The following ARMH3 variants were observed in gnomAD, a reference collection of about 807,000 sequenced individuals.
ARMH3 encodes armadillo-like helical domain-containing protein 3.
In ARMH3, 60 loss-of-function variants were observed where a neutral mutation model predicts 99.1. The ratio of observed to expected loss-of-function variants is 0.61; its 90% CI spans 0.49 to 0.75. ARMH3 has a LOEUF of 0.75. Among genes scored for constraint, ARMH3 ranks in the 30% least tolerant of loss-of-function variants. The pLI is 0.00. For missense variants in ARMH3, 679 were observed against 843.1 expected (o/e 0.81, Z 2.41); for synonymous variants, 285 against 292.8 (o/e 0.97, Z 0.27).
intron 22 of ARMH3, among the ~76,000 whole-genome samples, chr10:101,955,809 G>A (rs879142090): frequency 2.0e-5 from 3 of 152,150 alleles, no homozygotes; most frequent in African/African-American, 7.2e-5. Context: ...CAGAGGTGAC[G>A]GATATGGTTA....
intron 2 of ARMH3, among the ~76,000 whole-genome samples, chr10:102,034,868 A>G (rs74819291): frequency 0.074 from 11,271 of 151,882 alleles, 1,373 homozygotes; most frequent in African/African-American, 0.26. Context: ...AGATCATGCC[A>G]TTGCACTCCA....
At chr10:101,968,972 T>C (rs1564805108) in intron 20 of ARMH3, among the ~76,000 whole-genome samples, 1 of 152,284 alleles carries the variant, frequency 6.6e-6, no homozygotes, top group Non-Finnish European at 1.5e-5. Flanking sequence ...TATTTTTGCA[T>C]ATGGAAGCTA....
At chr10:101,864,276 C>A (rs1346679323) in intron 24 of ARMH3, among the ~76,000 whole-genome samples, 1 of 152,108 alleles carries the variant, frequency 6.6e-6, no homozygotes, top group African/African-American at 2.4e-5. Flanking sequence ...GAAACAGGAA[C>A]ACTTTTACAC....
intron 24 of ARMH3, among the ~76,000 whole-genome samples, chr10:101,882,682 T>A (rs2067447478): frequency 6.6e-6 from 1 of 152,156 alleles, no homozygotes; most frequent in Non-Finnish European, 1.5e-5. Flanking sequence ...GTATTTTTAG[T>A]AGAGACAGGG....
intron 8 of ARMH3, among the ~76,000 whole-genome samples, chr10:102,018,684 G>A (rs1167787713): frequency 2.0e-5 from 3 of 152,148 alleles, no homozygotes; most frequent in East Asian, 1.9e-4. Context: ...AGCCAGGCAC[G>A]GTGGCTCACT....
intron 1 of ARMH3, among the ~76,000 whole-genome samples, chr10:102,048,763 A>G (rs993009189): frequency 2.3e-4 from 35 of 152,070 alleles, no homozygotes; most frequent in Non-Finnish European, 2.9e-4. Flanking sequence ...ATAGTCCCCT[A>G]CCCTGACTTT....
intron 19 of ARMH3, among the ~76,000 whole-genome samples, chr10:101,988,794 G>A (rs551314673): frequency 6.6e-6 from 1 of 151,942 alleles, no homozygotes; most frequent in East Asian, 1.9e-4. Flanking sequence ...ATGGTGGTGC[G>A]CGACTGTAGT....
chr10:101,885,437 T>C (rs1220384794), intron 24 of ARMH3, among the ~76,000 whole-genome samples: 5 of 152,208 alleles, frequency 3.3e-5, no homozygotes, highest in Admixed American at 1.3e-4. Context: ...CAATGGAATA[T>C]TATTAAACCT....
chr10:101,892,323 G>C (rs2067713363), intron 23 of ARMH3, among the ~76,000 whole-genome samples: 1 of 152,124 alleles, frequency 6.6e-6, no homozygotes, highest in Non-Finnish European at 1.5e-5. Flanking sequence ...GCCAGGTGTG[G>C]TGGCATTTGC....
chr10:102,033,876 C>T (rs907411686), intron 2 of ARMH3, among the ~76,000 whole-genome samples: 1 of 152,162 alleles, frequency 6.6e-6, no homozygotes, highest in South Asian at 2.1e-4. Flanking sequence ...GCTCAAAGAA[C>T]TTCCCTAAAA....
chr10:102,043,191 C>T (rs2067463927), intron 1 of ARMH3, among the ~76,000 whole-genome samples: 2 of 152,174 alleles, frequency 1.3e-5, no homozygotes. Context: ...CCCCTCCTTC[C>T]CAGAGGAGAG....
At chr10:101,991,483 C>T (rs138649138) in intron 18 of ARMH3, among the ~76,000 whole-genome samples, 2,871 of 152,142 alleles carry the variant, frequency 0.019, 39 homozygotes, top group Non-Finnish European at 0.03. Flanking sequence ...TGGGTTCAAG[C>T]GATTCTCCTG....
chr10:102,002,200 C>G (rs1327589344), intron 14 of ARMH3, 128 bp from the exon 15 acceptor site: 2 of 1,371,864 alleles, frequency 1.5e-6, no homozygotes, highest in African/African-American at 2.9e-5. Context: ...GAGGGAGGAC[C>G]AAGTGCTCAT....
At chr10:101,964,844 C>T (rs1206645106) in intron 20 of ARMH3, among the ~76,000 whole-genome samples, 1 of 144,796 alleles carries the variant, frequency 6.9e-6, no homozygotes, top group Non-Finnish European at 1.5e-5. Context: ...CCCGTCTTTA[C>T]CAAAAAAAAA....
chr10:101,896,702 G>C (rs2067845245), intron 23 of ARMH3, among the ~76,000 whole-genome samples: 1 of 152,190 alleles, frequency 6.6e-6, no homozygotes, highest in South Asian at 2.1e-4. Flanking sequence ...CTTTTCTAAA[G>C]CTTGCATATG....
chr10:102,027,597 A>T (rs1174623095), intron 5 of ARMH3, among the ~76,000 whole-genome samples: 1 of 152,066 alleles, frequency 6.6e-6, no homozygotes, highest in Non-Finnish European at 1.5e-5. Context: ...ACACTCAGCA[A>T]GTACTTGCAG....
At position 102,029,242 on chromosome 10, in the gene ARMH3, G is replaced by A. The variant is rs1203974280; in HGVS notation, c.414+396C>T. Reference sequence around the variant, plus strand: ...ATAAGGCTGTTATTTTAAAAAGATAGTGTCAAACAGCAGAAAGAAAAATTC... The same window carrying A: ...ATAAGGCTGTTATTTTAAAAAGATAATGTCAAACAGCAGAAAGAAAAATTC... On this transcript the variant is annotated intron_variant, in intron 5 of 25. Coordinates refer to ENST00000370033, the MANE Select transcript of ARMH3 (RefSeq NM_024541.3). Among the ~76,000 whole-genome samples the A allele has an allele frequency of 2.0e-5, 3 of 152,302 alleles. No individual in the cohort carries two copies. The East Asian group carries it at 5.8e-4, about 29-fold the overall frequency.
intron 23 of ARMH3, among the ~76,000 whole-genome samples, chr10:101,909,519 G>C (rs1842784619): frequency 7.2e-6 from 1 of 139,146 alleles, no homozygotes; most frequent in Non-Finnish European, 1.5e-5. Context: ...CCGAGGCTAG[G>C]GTGCAGTGGC....
intron 1 of ARMH3, among the ~76,000 whole-genome samples, chr10:102,046,974 A>C (rs1462452964): frequency 2.0e-5 from 3 of 152,230 alleles, no homozygotes; most frequent in East Asian, 3.8e-4. Flanking sequence ...AGAAAGTAAA[A>C]GATAATTGTC....
Sources: gnomAD v4.1 joint callset for allele counts (sites outside exome capture counted in the v4.1 genomes callset) on GRCh38, gnomAD v4.1.1 for gene constraint, MANE v1.5 for transcripts, NCBI Gene and HGNC (gene_info 2026-07-23, HGNC 2026-07-21) for gene names.